The following SYCP1 variants were observed in gnomAD, a reference collection of about 807,000 sequenced individuals.
SYCP1 encodes the protein synaptonemal complex protein 1, also known as cancer/testis antigen 8.
Under a neutral mutation model 153.1 loss-of-function variants are expected in SYCP1, and 64 were observed. The ratio of observed to expected loss-of-function variants is 0.42; its 90% CI spans 0.34 to 0.51. The LOEUF (loss-of-function observed/expected upper bound fraction) is 0.51. Among genes scored for constraint, SYCP1 ranks in the 20% least tolerant of loss-of-function variants. SYCP1 has a pLI of 0.06. For synonymous variants in SYCP1, 384 were observed against 341.8 expected, an observed-to-expected ratio of 1.12 and a Z score of -1.36; for missense variants, 997 against 1,049.0, an observed-to-expected ratio of 0.95 and a Z score of 0.68.
At chr1:114,992,094 C>T (rs1673963380) in intron 30 of SYCP1, among the ~76,000 whole-genome samples, 1 of 151,544 alleles carries the variant, frequency 6.6e-6, no homozygotes, top group South Asian at 2.1e-4. Context: ...CAAATCTAAC[C>T]AAGGAAGTAA....
At chr1:114,878,065 A>G in intron 11 of SYCP1, 29 bp from the exon 12 acceptor site, 2 of 1,234,516 alleles carry the variant, frequency 1.6e-6, no homozygotes, top group Non-Finnish European at 2.3e-6. Context: ...AAATTTTCAT[A>G]TTGATAATGT....
At chr1:114,965,470 T>C (rs918443854) in intron 27 of SYCP1, among the ~76,000 whole-genome samples, 7 of 152,198 alleles carry the variant, frequency 4.6e-5, no homozygotes, top group Admixed American at 1.3e-4. Flanking sequence ...GTTTGGCCTA[T>C]TCAGTATGAT....
chr1:114,888,689 A>G (rs556396601), intron 15 of SYCP1, among the ~76,000 whole-genome samples: 15 of 152,152 alleles, frequency 9.9e-5, no homozygotes, highest in African/African-American at 3.1e-4. Context: ...ATCATTATAT[A>G]TACCTATACT....
At chr1:114,888,666 A>G (rs12080276) in intron 15 of SYCP1, among the ~76,000 whole-genome samples, 1 of 152,082 alleles carries the variant, frequency 6.6e-6, no homozygotes, top group South Asian at 2.1e-4. Flanking sequence ...TCGAGCATAA[A>G]ATAGTGTTTT....
At position 114,947,258 on chromosome 1, in the gene SYCP1, T is replaced by G. The variant is rs145103589; in HGVS notation, c.2260T>G (p.Ser754Ala). The change falls in exon 27 of 32, where the codon TCC (serine) becomes GCC (alanine). Residue 754 changes from serine (S) to alanine (A), a missense_variant. This residue lies in a region of SYCP1 where 712 missense variants were observed against 682.9 expected (regional missense o/e 1.04). Transcript: ENST00000369522. ...SLRASLEIEL[S>A]NLKAELLSVK... ...TCTTTTTCTTTAGGAGATTGAACTA[T>G]CCAATCTCAAAGCTGAACTTTTGTC... The G allele has an allele frequency of 1.2e-4, 194 of 1,612,170 alleles. No homozygotes were observed. The highest frequency in any genetic ancestry group is 1.6e-4 in the Non-Finnish European group (184 of 1,179,198).
intron 12 of SYCP1, among the ~76,000 whole-genome samples, chr1:114,881,272 T>A (rs971313943): frequency 2.0e-5 from 3 of 152,184 alleles, no homozygotes; most frequent in Non-Finnish European, 2.9e-5. Flanking sequence ...GCTCTTTTTT[T>A]TGGTATCTTA....
chr1:114,977,852 G>GA (rs1672904271), intron 28 of SYCP1, among the ~76,000 whole-genome samples: 2 of 151,370 alleles, frequency 1.3e-5, no homozygotes, highest in African/African-American at 4.8e-5. Context: ...CAAAAAAGAA[G>GA]AAAAAAAGAA....
At chr1:114,951,794 A>G (rs1297602062) in intron 27 of SYCP1, among the ~76,000 whole-genome samples, 2 of 152,222 alleles carry the variant, frequency 1.3e-5, no homozygotes, top group Non-Finnish European at 2.9e-5. Flanking sequence ...TTTTATAGCC[A>G]CATCCACCTC....
intron 29 of SYCP1, among the ~76,000 whole-genome samples, chr1:114,983,291 C>T (rs1673283564): frequency 6.6e-6 from 1 of 151,952 alleles, no homozygotes; most frequent in Non-Finnish European, 1.5e-5. Context: ...TATTTCATTT[C>T]CTAGCTTTTC....
chr1:114,957,386 G>A (rs537562002), intron 27 of SYCP1, among the ~76,000 whole-genome samples: 33 of 152,178 alleles, frequency 2.2e-4, no homozygotes, highest in Non-Finnish European at 2.2e-4. Context: ...TCCGGTCAAA[G>A]ATTATTTGAG....
At chr1:114,987,076 C>CTT (rs113910066) in intron 30 of SYCP1, among the ~76,000 whole-genome samples, 2 of 145,090 alleles carry the variant, frequency 1.4e-5, no homozygotes, top group African/African-American at 5.0e-5. Flanking sequence ...GCACATCTAT[C>CTT]TTTTTTTTTT....
intron 27 of SYCP1, among the ~76,000 whole-genome samples, chr1:114,970,870 C>T (rs983361204): frequency 6.6e-6 from 1 of 151,768 alleles, no homozygotes; most frequent in African/African-American, 2.4e-5. Flanking sequence ...GTTTAGTATG[C>T]TGGTTTTCTC....
chr1:114,873,511 G>C (rs1570673219), intron 8 of SYCP1, among the ~76,000 whole-genome samples: 2 of 152,178 alleles, frequency 1.3e-5, no homozygotes, highest in Non-Finnish European at 2.9e-5. Flanking sequence ...GGCTAGAGCT[G>C]TCTGGAATTG....
chr1:114,855,673 A>G, intron 2 of SYCP1, 101 bp downstream of exon 2: 1 of 940,044 alleles, frequency 1.1e-6, no homozygotes, highest in Non-Finnish European at 1.6e-6. Flanking sequence ...ATTTCTTCTC[A>G]ATAAATGGTC....
chr1:114,855,545 C>A lies in SYCP1; in HGVS notation c.81C>A (p.Thr27=). Residue 27 remains threonine (T), a synonymous_variant, in exon 2 of 32, where the codon ACC becomes ACA. Transcript: ENST00000369522. ...AGGTGTCTGCGGTGAAACCTCAGAC[C>A]CTGGGAGGCGATTCCACTTTCTTCA... ...SSQVSAVKPQ[T]LGGDSTFFKS... 6.2e-7 allele frequency: 1 copy of A among 1,605,376 alleles called. No homozygotes were observed. The highest frequency in any genetic ancestry group is 8.5e-7 in the Non-Finnish European group (1 of 1,175,566).
At chr1:114,892,634 C>T (rs1666795229) in intron 15 of SYCP1, among the ~76,000 whole-genome samples, 1 of 152,060 alleles carries the variant, frequency 6.6e-6, no homozygotes, top group Admixed American at 6.6e-5. Flanking sequence ...TTGGCTTATG[C>T]TTTGGCTCCA....
At chr1:114,960,845 G>A (rs1271311670) in intron 27 of SYCP1, among the ~76,000 whole-genome samples, 1 of 152,074 alleles carries the variant, frequency 6.6e-6, no homozygotes, top group Non-Finnish European at 1.5e-5. Flanking sequence ...CCTGGTTTTG[G>A]TATTAGGGTG....
chr1:114,858,695 C>T lies in SYCP1; in HGVS notation c.440C>T (p.Ala147Val). 6.2e-7 allele frequency: 1 copy of T among 1,609,770 alleles called. No individual in the cohort carries two copies. The highest frequency in any genetic ancestry group is 8.5e-7 in the Non-Finnish European group (1 of 1,178,454). Residue 147 changes from alanine to valine, a missense_variant, in exon 6 of 32, where the codon GCC (alanine) becomes GTC (valine). By Grantham distance (64) the Ala-to-Val change is moderately conservative. Around this residue, in one of 2 missense-constraint regions of SYCP1, gnomAD observed 285 missense variants for 366.1 expected, o/e 0.78. Coordinates refer to ENST00000369522, the MANE Select transcript of SYCP1 (RefSeq NM_003176.4). ...AAGATAATTGAAGCACAGCGAAAAG[C>T]CATTCAGGAACTGCAAGTATGACAC... Reference protein sequence around the residue: ...NRKIIEAQRKAIQELQFGNEK... With the variant: ...NRKIIEAQRKVIQELQFGNEK...
At chr1:114,938,795 A>C (rs983077309) in intron 23 of SYCP1, among the ~76,000 whole-genome samples, 7 of 152,178 alleles carry the variant, frequency 4.6e-5, no homozygotes, top group Non-Finnish European at 8.8e-5. Context: ...CAAATGGCCA[A>C]TAAGCACATA....
Sources: gnomAD v4.1 joint callset for allele counts (sites outside exome capture counted in the v4.1 genomes callset) on GRCh38, gnomAD v4.1.1 for gene constraint, gnomAD v4.1.1 regional missense constraint, MANE v1.5 for transcripts, NCBI Gene and HGNC (gene_info 2026-07-23, HGNC 2026-07-21) for gene names.